Variants in PI4KA observed in about 807,000 individuals in gnomAD.
The protein encoded by PI4KA is phosphatidylinositol 4-kinase alpha, also known as PI4-kinase alpha.
Under a neutral mutation model 271.4 loss-of-function variants are expected in PI4KA, and 122 were observed. The ratio of observed to expected loss-of-function variants is 0.45; its 90% confidence interval spans 0.39 to 0.52. PI4KA has a LOEUF of 0.52. PI4KA is among the 20% of genes least tolerant of loss of function. The pLI, the probability that PI4KA is intolerant of heterozygous loss-of-function variation, is 0.00. For missense variants in PI4KA, 1,969 were observed against 2,769.1 expected, an observed-to-expected ratio of 0.71 and a Z score of 6.48; for synonymous variants, 1,041 against 1,078.8, an observed-to-expected ratio of 0.96 and a Z score of 0.69.
Position 20,858,681 on chromosome 22 carries a change from G to A in PI4KA, c.45C>T (p.Gly15=). Residue 15 remains glycine (G), a synonymous_variant, in exon 1 of 55, where the codon GGC becomes GGT. Coordinates refer to ENST00000255882, the MANE Select transcript of PI4KA (RefSeq NM_058004.4). ...AGCCGGAGCCGGAGCAGCCGCCGCC[G>A]CCTCCGCCTCCGCCTCCGCCTCCCC... is the stretch of plus-strand genomic sequence containing the variant. ...PARGGGGGGG[G]GGGCSGSGSS... is the part of the protein sequence containing the mutation. The A allele has an allele frequency of 1.4e-6, 2 of 1,451,366 alleles. No individual in the cohort carries two copies. The highest frequency in any genetic ancestry group is 3.0e-5 in the East Asian group (1 of 33,548). 89.9% of individuals were successfully genotyped at this position (1,451,366 alleles called of 1,614,324 possible). A position where few individuals can be genotyped will look rare whatever the true frequency, so the allele number is the denominator to read the frequency against.
At chr22:20,771,205 A>G (rs111290775) in intron 19 of PI4KA, among the ~76,000 whole-genome samples, 4,524 of 152,132 alleles carry the variant, frequency 0.03, 224 homozygotes, top group African/African-American at 0.1. Flanking sequence ...CGGGCGGATC[A>G]TGAGGTTAGG....
At chr22:20,805,636 T>A (rs1935607713) in intron 10 of PI4KA, among the ~76,000 whole-genome samples, 1 of 147,154 alleles carries the variant, frequency 6.8e-6, no homozygotes, top group Non-Finnish European at 1.5e-5. Context: ...ATCGAGACCA[T>A]CCTGGCTAAC....
rs1449932058 is a variant in PI4KA at position 20,802,012 on chromosome 22, T to G, written c.1685A>C (p.Tyr562Ser). 1 of 1,614,206 alleles carries G rather than the reference T, an allele frequency of 6.2e-7. No individual in the cohort carries two copies. The highest frequency in any genetic ancestry group is 8.5e-7 in the Non-Finnish European group (1 of 1,180,034). The change falls in exon 14 of 55, where the codon TAC (tyrosine) becomes TCC (serine). Residue 562 changes from tyrosine to serine, a missense_variant. Tyr to Ser is a moderately radical substitution (Grantham distance 144). Transcript: ENST00000255882. ...AATAGCGATGTCTCGGAGCTGCTCG[T>G]ACATGGAGGGCTGGCTCTTCTTACC... ...MSGKKSQPSM[Y>S]EQLRDIAIDN...
At chr22:20,739,658 G>C (rs1168452993) in intron 32 of PI4KA, among the ~76,000 whole-genome samples, 1 of 152,034 alleles carries the variant, frequency 6.6e-6, no homozygotes, top group African/African-American at 2.4e-5. Context: ...GAACAGACCA[G>C]ATAACGATAT....
chr22:20,724,753 C>G (rs1927148094), intron 42 of PI4KA, among the ~76,000 whole-genome samples: 1 of 152,130 alleles, frequency 6.6e-6, no homozygotes, highest in South Asian at 2.1e-4. Flanking sequence ...ACCAAGAGTT[C>G]ACACGGAGGC....
intron 42 of PI4KA, among the ~76,000 whole-genome samples, chr22:20,724,999 T>C (rs574803293): frequency 6.6e-6 from 1 of 151,924 alleles, no homozygotes; most frequent in South Asian, 2.1e-4. Context: ...GCGCAGAGAG[T>C]GTGGCACTAC....
At chr22:20,773,129 T>C (rs540738510) in intron 19 of PI4KA, among the ~76,000 whole-genome samples, 1 of 152,168 alleles carries the variant, frequency 6.6e-6, no homozygotes, top group East Asian at 1.9e-4. Flanking sequence ...CTCACGCATG[T>C]AATCCCAGCA....
At chr22:20,784,114 C>T in intron 19 of PI4KA, 1 of 1,614,188 alleles carries the variant, frequency 6.2e-7, no homozygotes, top group Non-Finnish European at 8.5e-7. Context: ...ACTGCGACAT[C>T]CTCCAGCTGG....
Position 20,710,806 on chromosome 22 carries a change from G to T in PI4KA, c.5976C>A (p.Pro1992=), listed in dbSNP as rs555871038. Residue 1992 remains proline (P), a synonymous_variant, in exon 52 of 55, where the codon CCC becomes CCA. Transcript: ENST00000255882. ...SSPGGNLGWE[P]DIKLTDEMVM... ...CCATCTCATCCGTCAGCTTGATGTCGGGTTCCCAGCCGAGATTGCCGCCCG... is the reference window on the plus strand; with the variant it reads ...CCATCTCATCCGTCAGCTTGATGTCTGGTTCCCAGCCGAGATTGCCGCCCG... 3.1e-6 allele frequency: 5 copies of T among 1,612,502 alleles called. No homozygotes were observed. The South Asian group carries it at 5.5e-5, about 18-fold the overall frequency.
At chr22:20,833,695 C>G (rs931086504) in intron 3 of PI4KA, among the ~76,000 whole-genome samples, 5 of 132,672 alleles carry the variant, frequency 3.8e-5, no homozygotes, top group African/African-American at 1.4e-4. Flanking sequence ...GAGTCTCGTG[C>G]TGTCGCCCAG....
At chr22:20,846,819 GGCAATAGT>G (rs1926316129) in intron 1 of PI4KA, among the ~76,000 whole-genome samples, 1 of 141,858 alleles carries the variant, frequency 7.0e-6, no homozygotes, top group Non-Finnish European at 1.5e-5. Context: ...TTCCAGCATG[GGCAATAGT>G]GCAGGCTCAA....
chr22:20,722,331 C>G (rs1026038704), intron 42 of PI4KA, among the ~76,000 whole-genome samples: 1 of 152,072 alleles, frequency 6.6e-6, no homozygotes, highest in African/African-American at 2.4e-5. Flanking sequence ...GGATTACAGG[C>G]GCACACCACC....
intron 41 of PI4KA, among the ~76,000 whole-genome samples, chr22:20,726,953 G>C (rs1486859874): frequency 6.6e-6 from 1 of 152,110 alleles, no homozygotes; most frequent in Non-Finnish European, 1.5e-5. Flanking sequence ...TGCTGTGTGG[G>C]GTGTGCACAG....
chr22:20,737,473 C>G (rs924041102), intron 32 of PI4KA, among the ~76,000 whole-genome samples: 32 of 152,100 alleles, frequency 2.1e-4, no homozygotes, highest in African/African-American at 6.5e-4. Context: ...GAGGACCAGA[C>G]AGGGAGGCCA....
intron 1 of PI4KA, among the ~76,000 whole-genome samples, chr22:20,843,012 G>C: frequency 6.7e-6 from 1 of 150,348 alleles, no homozygotes. Context: ...GCAGGAGAAT[G>C]GCGTGAACCC....
intron 8 of PI4KA, among the ~76,000 whole-genome samples, chr22:20,813,120 C>A (rs990036284): frequency 6.6e-6 from 1 of 152,178 alleles, no homozygotes; most frequent in Admixed American, 6.5e-5. Flanking sequence ...TCCTGACCTC[C>A]AAATGGGGAT....
intron 12 of PI4KA, among the ~76,000 whole-genome samples, chr22:20,803,992 G>A (rs1472188006): frequency 3.3e-5 from 5 of 152,202 alleles, no homozygotes; most frequent in Non-Finnish European, 7.3e-5. Context: ...ATCCCCTTGC[G>A]TGGCCCCATG....
At position 20,827,880 on chromosome 22, in the gene PI4KA, C is replaced by T. The variant is rs165711; in HGVS notation, c.368-3466G>A. 1.5e-3 allele frequency among the ~76,000 whole-genome samples: 231 copies of T among 152,186 alleles called. 2 individuals carry two copies. The highest frequency in any genetic ancestry group is 5.6e-3 in the Admixed American group (86 of 15,282). ...CACAATCGCGGCTCACTGCAACCTCCGCCTCCCAGGTTCAAGCGATTCTCC... is the reference window on the plus strand; with the variant it reads ...CACAATCGCGGCTCACTGCAACCTCTGCCTCCCAGGTTCAAGCGATTCTCC... On this transcript the variant is annotated intron_variant, in intron 3 of 54. Transcript: ENST00000255882.
At chr22:20,803,599 A>G (rs565875118) in intron 12 of PI4KA, among the ~76,000 whole-genome samples, 53 of 152,180 alleles carry the variant, frequency 3.5e-4, no homozygotes, top group Non-Finnish European at 6.2e-4. Flanking sequence ...ATCATGGCTT[A>G]CTGCAGCCTT....
Sources: allele counts gnomAD v4.1 joint callset (sites outside exome capture counted in the v4.1 genomes callset), GRCh38; gene constraint gnomAD v4.1.1; transcripts MANE v1.5; gene names NCBI Gene and HGNC (gene_info 2026-07-23, HGNC 2026-07-21).